AUTS2: variants seen among roughly 807,000 people sequenced by gnomAD.
AUTS2 encodes autism susceptibility gene 2 protein.
Under a neutral mutation model 112.4 loss-of-function variants are expected in AUTS2, and 17 were observed. That is an observed-to-expected ratio of 0.15 (90% CI 0.10 to 0.23). The LOEUF (loss-of-function observed/expected upper bound fraction) is 0.23, where lower values mean the gene tolerates loss of function less well. Among genes scored for constraint, AUTS2 ranks in the 10% least tolerant of loss-of-function variants. AUTS2 has a pLI of 1.00. For synonymous variants in AUTS2, 751 were observed against 702.7 expected (o/e 1.07, Z -1.09); for missense variants, 1,510 against 1,701.6 (o/e 0.89, Z 1.98).
At position 70,775,342 on chromosome 7, in the gene AUTS2, A is replaced by G. The variant is rs1353977520; in HGVS notation, c.1903-15A>G. Reference sequence around the variant, plus strand: ...GTGACAGGCATGTAACCAAGTTGTCATTTTCTCTTCACAGTTGACAGATCC... The same window carrying G: ...GTGACAGGCATGTAACCAAGTTGTCGTTTTCTCTTCACAGTTGACAGATCC... On this transcript the variant is annotated splice_polypyrimidine_tract_variant and intron_variant, in intron 12 of 18. Coordinates refer to ENST00000342771, the MANE Select transcript of AUTS2 (RefSeq NM_015570.4). 2 of 1,611,398 alleles carry G rather than the reference A, an allele frequency of 1.2e-6. No individual in the cohort carries two copies. The highest frequency in any genetic ancestry group is 1.7e-6 in the Non-Finnish European group (2 of 1,178,978).
intron 2 of AUTS2, among the ~76,000 whole-genome samples, chr7:70,062,097 C>A (rs1275584399): frequency 6.6e-6 from 1 of 151,184 alleles, no homozygotes; most frequent in African/African-American, 2.4e-5. Context: ...CGAGTTGTTT[C>A]TTCCCTAATT....
At chr7:69,834,307 GC>G (rs1791627252) in intron 1 of AUTS2, among the ~76,000 whole-genome samples, 1 of 152,128 alleles carries the variant, frequency 6.6e-6, no homozygotes, top group Non-Finnish European at 1.5e-5. Flanking sequence ...TTAGTTTGGA[GC>G]CTAGCCAGTT....
chr7:70,109,014 C>T (rs148311463), intron 2 of AUTS2, among the ~76,000 whole-genome samples: 20 of 152,166 alleles, frequency 1.3e-4, no homozygotes, highest in African/African-American at 4.6e-4. Context: ...ACTCATCTTA[C>T]ATATTTCCTT....
Position 70,631,962 on chromosome 7 carries a change from G to A in AUTS2, c.691-66607G>A, listed in dbSNP as rs772812127. Among the ~76,000 whole-genome samples the A allele has an allele frequency of 2.0e-5, 3 of 151,872 alleles. No homozygotes were observed. The highest frequency in any genetic ancestry group is 2.9e-5 in the Non-Finnish European group (2 of 68,000). On this transcript the variant is annotated intron_variant, in intron 5 of 18. Transcript: ENST00000342771. The surrounding 1 kb of genome is among the most constrained non-coding windows in gnomAD (Gnocchi z 4.5). ...CATCTCTGGCCTCCTGTGGAGACCC[G>A]ATCTGCCGTCCTGGTGGGCAGCAGG...
intron 4 of AUTS2, among the ~76,000 whole-genome samples, chr7:70,373,694 A>G (rs1279853845): frequency 3.4e-5 from 5 of 148,224 alleles, no homozygotes; most frequent in African/African-American, 1.3e-4. Context: ...TTCATCTGCT[A>G]AAATATACTT....
At chr7:70,002,416 C>T (rs1435604114) in intron 2 of AUTS2, among the ~76,000 whole-genome samples, 1 of 152,036 alleles carries the variant, frequency 6.6e-6, no homozygotes, top group Non-Finnish European at 1.5e-5. Context: ...AATAATCTAT[C>T]CTTGGCTCTA....
chr7:70,273,370 T>C (rs892700345), intron 4 of AUTS2, among the ~76,000 whole-genome samples: 7 of 152,202 alleles, frequency 4.6e-5, no homozygotes, highest in Admixed American at 3.3e-4. Flanking sequence ...TTGTGATTTG[T>C]TGTAATTTGG....
At chr7:69,859,087 A>G (rs529903740) in intron 1 of AUTS2, among the ~76,000 whole-genome samples, 10 of 152,326 alleles carry the variant, frequency 6.6e-5, no homozygotes, top group African/African-American at 2.2e-4. Flanking sequence ...CCTTGTCAGG[A>G]CAGTCATTGT....
intron 4 of AUTS2, among the ~76,000 whole-genome samples, chr7:70,315,056 T>C (rs1789931488): frequency 6.6e-6 from 1 of 152,208 alleles, no homozygotes; most frequent in Admixed American, 6.5e-5. Flanking sequence ...AGTTACTGTA[T>C]CCTATTGTGC....
At chr7:70,475,286 TC>T (rs751700845) in intron 5 of AUTS2, among the ~76,000 whole-genome samples, 21 of 152,306 alleles carry the variant, frequency 1.4e-4, no homozygotes, top group Non-Finnish European at 2.5e-4. Flanking sequence ...TGAAATTGAA[TC>T]CAGTCCTTGC....
intron 5 of AUTS2, among the ~76,000 whole-genome samples, chr7:70,673,533 A>G (rs1252823015): frequency 6.6e-6 from 1 of 151,874 alleles, no homozygotes; most frequent in Non-Finnish European, 1.5e-5. Context: ...CGCCCAGCTG[A>G]TTTTTATTTT....
At chr7:70,514,837 G>A (rs553271541) in intron 5 of AUTS2, among the ~76,000 whole-genome samples, 1 of 152,214 alleles carries the variant, frequency 6.6e-6, no homozygotes, top group South Asian at 2.1e-4. Flanking sequence ...ATATTCTCCT[G>A]TGTGATAAAT....
intron 6 of AUTS2, among the ~76,000 whole-genome samples, chr7:70,721,206 G>A (rs1043403633): frequency 1.3e-5 from 2 of 151,564 alleles, no homozygotes; most frequent in African/African-American, 4.9e-5. Context: ...TATTGTTACT[G>A]CTGTATAGAG....
chr7:70,260,836 G>T (rs990637006), intron 4 of AUTS2, among the ~76,000 whole-genome samples: 1 of 151,238 alleles, frequency 6.6e-6, no homozygotes, highest in Non-Finnish European at 1.5e-5. Flanking sequence ...TGCAACCTCC[G>T]CCTCCCGGGT....
intron 4 of AUTS2, among the ~76,000 whole-genome samples, chr7:70,191,031 G>C (rs902361685): frequency 1.1e-4 from 17 of 151,966 alleles, no homozygotes; most frequent in Non-Finnish European, 2.2e-4. Flanking sequence ...CATCAACACA[G>C]AGCATTCCTC....
chr7:69,981,066 G>T (rs1390979904), intron 2 of AUTS2, among the ~76,000 whole-genome samples: 1 of 152,070 alleles, frequency 6.6e-6, no homozygotes, highest in Non-Finnish European at 1.5e-5. Flanking sequence ...TTTTTTGAGA[G>T]GCCCACATTT....
At chr7:69,823,119 T>TA (rs1034207360) in intron 1 of AUTS2, among the ~76,000 whole-genome samples, 10 of 151,858 alleles carry the variant, frequency 6.6e-5, no homozygotes, top group Admixed American at 1.3e-4. Flanking sequence ...GGCAGAACTG[T>TA]AAAAAAAACG....
At chr7:69,860,613 T>C (rs1000717146) in intron 1 of AUTS2, among the ~76,000 whole-genome samples, 6 of 152,026 alleles carry the variant, frequency 3.9e-5, no homozygotes, top group African/African-American at 1.4e-4. Context: ...CTCACCTCCC[T>C]CTCCTCAGAT....
In AUTS2 at chr7:70,474,341, C is replaced by G. The variant is rs959782524; in HGVS notation, c.690+38560C>G. Reference sequence around the variant, plus strand: ...TAGGCCTGTGTCCTTGTAGCACTTACCACTTGTAAGCCCAGCCTTCTGGGA... The same window carrying G: ...TAGGCCTGTGTCCTTGTAGCACTTAGCACTTGTAAGCCCAGCCTTCTGGGA... On this transcript the variant is annotated intron_variant, in intron 5 of 18. Coordinates refer to ENST00000342771, the MANE Select transcript of AUTS2 (RefSeq NM_015570.4). Among the ~76,000 whole-genome samples, 4 of 152,212 alleles carry G rather than the reference C, an allele frequency of 2.6e-5. No homozygotes were observed. In the East Asian group the frequency reaches 7.7e-4, roughly 29 times the overall value.
Sources: gnomAD v4.1 joint callset for allele counts (sites outside exome capture counted in the v4.1 genomes callset) on GRCh38, gnomAD v4.1.1 for gene constraint, Gnocchi (gnomAD v3.1) non-coding constraint, MANE v1.5 for transcripts, NCBI Gene and HGNC (gene_info 2026-07-23, HGNC 2026-07-21) for gene names.